DOCK10: variants seen among roughly 807,000 people sequenced by gnomAD.
DOCK10 encodes dedicator of cytokinesis 10.
A neutral mutation model predicts 280.1 loss-of-function variants in DOCK10; 145 were observed. That is an observed-to-expected ratio of 0.52 (90% confidence interval 0.45 to 0.59). The LOEUF is 0.59. Ranked by LOEUF, DOCK10 falls within the 20% of genes least tolerant of loss-of-function variation. The pLI is 0.00. For missense variants in DOCK10, 2,368 were observed against 2,651.7 expected (o/e 0.89, Z 2.35); for synonymous variants, 915 against 942.2 (o/e 0.97, Z 0.53).
chr2:224,982,831 A>G (rs1455307668), intron 1 of DOCK10, among the ~76,000 whole-genome samples: 2 of 152,162 alleles, frequency 1.3e-5, no homozygotes, highest in Non-Finnish European at 2.9e-5. Context: ...CACTTCCTGA[A>G]GGAAATTTTG....
At chr2:225,003,884 T>C (rs1706504531) in intron 1 of DOCK10, among the ~76,000 whole-genome samples, 1 of 152,220 alleles carries the variant, frequency 6.6e-6, no homozygotes. Flanking sequence ...ACATCTGCTC[T>C]ACAGGTCCAA....
intron 1 of DOCK10, among the ~76,000 whole-genome samples, chr2:224,946,064 C>G (rs111805951): frequency 0.015 from 2,220 of 152,280 alleles, 54 homozygotes; most frequent in African/African-American, 0.05. Flanking sequence ...AGGAATATTG[C>G]CGCAACCATT....
rs1019670397 is a variant in DOCK10 at position 225,042,429 on chromosome 2, C to G, written c.-55G>C. The G allele has an allele frequency of 1.9e-5, 23 of 1,228,364 alleles. No individual in the cohort carries two copies. In the African/African-American group the frequency reaches 3.1e-4, roughly 17 times the overall value. 76.1% of individuals were successfully genotyped at this position (1,228,364 alleles called of 1,614,324 possible). Reference sequence around the variant, plus strand: ...CGGGGCGCGCCTCCCGCCGGTCTTCCCCGCGCCAACCTTCTCTATCCACCC... The same window carrying G: ...CGGGGCGCGCCTCCCGCCGGTCTTCGCCGCGCCAACCTTCTCTATCCACCC... On this transcript the variant is annotated 5_prime_UTR_variant, in exon 1 of 56. Coordinates refer to ENST00000258390, the MANE Select transcript of DOCK10 (RefSeq NM_014689.3). This position sits in a 1 kb window ranked among gnomAD's most constrained non-coding sequence, Gnocchi z 5.1.
intron 11 of DOCK10, 35 bp downstream of exon 11, chr2:224,873,961 T>C (rs2125684185): frequency 6.3e-7 from 1 of 1,578,466 alleles, no homozygotes; most frequent in South Asian, 1.2e-5. Context: ...TAATGTTGGC[T>C]TAATGGTATA....
At chr2:224,946,829 T>A in intron 1 of DOCK10, 1 of 1,503,718 alleles carries the variant, frequency 6.7e-7, no homozygotes, top group South Asian at 1.3e-5. Context: ...AGCAAAACAT[T>A]GACATTTGGA....
chr2:224,954,875 G>A (rs72974668), intron 1 of DOCK10, among the ~76,000 whole-genome samples: 7,505 of 152,108 alleles, frequency 0.049, 216 homozygotes, highest in Middle Eastern at 0.11. Context: ...AAAGCATTCC[G>A]AGCTGAAGCA....
intron 1 of DOCK10, among the ~76,000 whole-genome samples, chr2:225,018,506 T>C (rs10179319): frequency 0.34 from 17,930 of 52,072 alleles, 4,501 homozygotes; most frequent in Middle Eastern, 0.61. Flanking sequence ...ATAATATATA[T>C]GTAATATTAT....
At chr2:224,859,226 C>A (rs1006766211) in intron 14 of DOCK10, among the ~76,000 whole-genome samples, 1 of 151,950 alleles carries the variant, frequency 6.6e-6, no homozygotes. Flanking sequence ...TGTAGAGATA[C>A]GAGAATGAAA....
intron 19 of DOCK10, among the ~76,000 whole-genome samples, chr2:224,847,902 T>C (rs1574931244): frequency 6.6e-6 from 1 of 152,188 alleles, no homozygotes; most frequent in Non-Finnish European, 1.5e-5. Flanking sequence ...ACCTGGTAAG[T>C]AGGACTTAGC....
intron 1 of DOCK10, among the ~76,000 whole-genome samples, chr2:224,943,761 C>CTTTTTTTTTTTTT (rs67538456): frequency 1.9e-5 from 2 of 107,414 alleles, no homozygotes; most frequent in Non-Finnish European, 3.7e-5. Context: ...TTTTTCTTTT[C>CTTTTTTTTTTTTT]TTTTTTTTTT....
Position 224,802,007 on chromosome 2 carries a change from C to T in DOCK10, c.4302G>A (p.Lys1434=), listed in dbSNP as rs568819723. 1.2e-4 allele frequency: 196 copies of T among 1,612,978 alleles called. 4 individuals are homozygous for T. The South Asian group carries it at 2.1e-3, about 17-fold the overall frequency. The change falls in exon 40 of 56, where the codon AAG becomes AAA. Residue 1434 remains lysine, a synonymous_variant. Transcript: ENST00000258390. The stretch of plus-strand genomic sequence containing the variant: ...TAGGTAAAGTTTGTGATCTGTGCTG[C>T]TTATGGCCTTCATGACTGGAAGTGG... ...MHSTSSHEGH[K]QHRSQTLPII...
At chr2:224,809,921 C>G (rs980168748) in intron 31 of DOCK10, among the ~76,000 whole-genome samples, 1 of 147,140 alleles carries the variant, frequency 6.8e-6, no homozygotes, top group East Asian at 2.0e-4. Context: ...CTATGGAAAC[C>G]TAGGTGACCA....
In DOCK10 at chr2:224,810,643, C is replaced by A. The variant is rs1239748587; in HGVS notation, c.3410-2557G>T. 1.8e-4 allele frequency among the ~76,000 whole-genome samples: 19 copies of A among 107,374 alleles called. 1 individual carries two copies. The Admixed American group carries it at 2.2e-3, about 12-fold the overall frequency. The allele number at this position is 107,374 out of a possible 152,430, so 70.4% of individuals were successfully genotyped here. On this transcript the variant is annotated intron_variant, in intron 31 of 55. Coordinates refer to ENST00000258390, the MANE Select transcript of DOCK10 (RefSeq NM_014689.3). ...ATGCTATCCCTCCCCCCTCCCCCCA[C>A]CCCACAACAGTCCCCAGAGTGTGAT...
chr2:224,925,258 T>C (rs1156568424), intron 2 of DOCK10, among the ~76,000 whole-genome samples: 1 of 152,196 alleles, frequency 6.6e-6, no homozygotes, highest in Non-Finnish European at 1.5e-5. Context: ...CTGCTTCCTT[T>C]CCTAGAATGA....
intron 50 of DOCK10, among the ~76,000 whole-genome samples, chr2:224,782,240 C>G (rs1029295784): frequency 3.0e-4 from 45 of 152,162 alleles, no homozygotes; most frequent in African/African-American, 1.1e-3. Flanking sequence ...CCCTCCTCCC[C>G]CAAACTCCTT....
chr2:224,807,823 A>C (rs1223065289), intron 32 of DOCK10, 39 bp from the exon 33 acceptor site: 3 of 1,568,738 alleles, frequency 1.9e-6, no homozygotes, highest in Non-Finnish European at 2.6e-6. Context: ...ATTCATGTAA[A>C]AATCAATAGG....
intron 25 of DOCK10, among the ~76,000 whole-genome samples, chr2:224,834,818 G>C (rs1695491203): frequency 6.6e-6 from 1 of 152,042 alleles, no homozygotes; most frequent in Admixed American, 6.5e-5. Flanking sequence ...AATTGGTTTT[G>C]GCATGCACCA....
chr2:225,007,696 T>C (rs368137266), intron 1 of DOCK10, among the ~76,000 whole-genome samples: 7 of 152,090 alleles, frequency 4.6e-5, no homozygotes, highest in Non-Finnish European at 1.0e-4. Flanking sequence ...ACTTGAAATA[T>C]TGTGTTTAAT....
chr2:224,941,796 A>C (rs780206276), intron 1 of DOCK10, among the ~76,000 whole-genome samples: 3 of 151,274 alleles, frequency 2.0e-5, no homozygotes, highest in Non-Finnish European at 4.4e-5. Flanking sequence ...GTGAGCTGAG[A>C]TCTCATCACT....
Sources: allele counts gnomAD v4.1 joint callset (sites outside exome capture counted in the v4.1 genomes callset), GRCh38; gene constraint gnomAD v4.1.1; non-coding constraint Gnocchi (gnomAD v3.1); transcripts MANE v1.5; gene names NCBI Gene and HGNC (gene_info 2026-07-23, HGNC 2026-07-21).